KANK1: variants seen among roughly 807,000 people sequenced by gnomAD.
KANK1 encodes the protein KN motif and ankyrin repeat domains 1, also known as KN motif and ankyrin repeat domain-containing protein 1.
KANK1 carries 109 observed loss-of-function variants against 106.2 expected under a neutral mutation model. That is an observed-to-expected ratio of 1.03 (90% CI 0.88 to 1.20). KANK1 has a LOEUF of 1.20. Among genes scored for constraint, KANK1 ranks in the 50% most tolerant of loss-of-function variants. The probability of loss-of-function intolerance (pLI) is 0.00; values close to 1 mark genes in which losing one functional copy is unlikely to be tolerated. For synonymous variants in KANK1, 873 were observed against 652.2 expected (o/e 1.34, Z -5.16); for missense variants, 2,399 against 1,710.7 (o/e 1.40, Z -7.10).
rs779680403 is a variant in KANK1 at position 712,520 on chromosome 9, C to G, written c.1754C>G (p.Ser585Cys). Reference protein sequence around the residue: ...VEMHDRCAGRSVEMCDKSVSV... With the variant: ...VEMHDRCAGRCVEMCDKSVSV... ...ATGCATGACCGATGTGCTGGGAGGT[C>G]TGTGGAAATGTGTGACAAGAGTGTG... Residue 585 changes from serine to cysteine, a missense_variant, in exon 3 of 12, where the codon TCT (serine) becomes TGT (cysteine). Transcript: ENST00000382297. The G allele has an allele frequency of 2.5e-6, 4 of 1,613,980 alleles. No homozygotes were observed. The highest frequency in any genetic ancestry group is 2.7e-5 in the African/African-American group (2 of 74,892).
intron 1 of KANK1, among the ~76,000 whole-genome samples, chr9:655,868 G>A (rs1842032113): frequency 6.6e-6 from 1 of 152,144 alleles, no homozygotes; most frequent in South Asian, 2.1e-4. Flanking sequence ...TCAAATGTTT[G>A]TAAATTAATT....
At chr9:741,382 G>T (rs6477183) in intron 9 of KANK1, among the ~76,000 whole-genome samples, 99,794 of 149,614 alleles carry the variant, frequency 0.67, 34,841 homozygotes, top group African/African-American at 0.89. Flanking sequence ...TGCAGTGGCG[G>T]GATCTTGGCT....
intron 1 of KANK1, among the ~76,000 whole-genome samples, chr9:551,101 A>T (rs141855852): frequency 1.3e-5 from 2 of 152,094 alleles, no homozygotes; most frequent in African/African-American, 4.8e-5. Context: ...TGGGGTGTCA[A>T]TTCATGGTTA....
intron 1 of KANK1, among the ~76,000 whole-genome samples, chr9:550,876 C>A (rs184655685): frequency 8.7e-4 from 132 of 152,226 alleles, no homozygotes; most frequent in Non-Finnish European, 1.5e-3. Flanking sequence ...TTTTCCCAGA[C>A]TCCAGAATAA....
intron 1 of KANK1, among the ~76,000 whole-genome samples, chr9:612,813 G>C (rs1370564569): frequency 1.3e-5 from 2 of 152,120 alleles, no homozygotes; most frequent in African/African-American, 4.8e-5. Flanking sequence ...CCCCAGTTTA[G>C]ACCAGCAGCA....
chr9:653,833 G>C (rs540063511), intron 1 of KANK1, among the ~76,000 whole-genome samples: 21 of 152,330 alleles, frequency 1.4e-4, no homozygotes, highest in African/African-American at 5.1e-4. Flanking sequence ...TGGATACTTA[G>C]TGTTGTCTTT....
At chr9:725,354 A>G (rs1830375393) in intron 3 of KANK1, among the ~76,000 whole-genome samples, 1 of 151,972 alleles carries the variant, frequency 6.6e-6, no homozygotes, top group South Asian at 2.1e-4. Flanking sequence ...TTAGCCAGGC[A>G]TGGTTGTGCA....
intron 3 of KANK1, among the ~76,000 whole-genome samples, chr9:486,100 ACT>A (rs2058289946): frequency 6.6e-6 from 1 of 152,050 alleles, no homozygotes; most frequent in South Asian, 2.1e-4. Flanking sequence ...TTTTGACCAG[ACT>A]CTAAAGATTA....
chr9:488,592 C>T (rs949009897), intron 3 of KANK1, among the ~76,000 whole-genome samples: 2 of 152,188 alleles, frequency 1.3e-5, no homozygotes, highest in African/African-American at 4.8e-5. Context: ...TGATAACATC[C>T]TTCCTGTCTC....
At chr9:493,906 G>A (rs1329787660) in intron 3 of KANK1, among the ~76,000 whole-genome samples, 1 of 148,930 alleles carries the variant, frequency 6.7e-6, no homozygotes, top group Non-Finnish European at 1.5e-5. Flanking sequence ...CTTTTGAGAT[G>A]GAGTCTTGCT....
intron 2 of KANK1, among the ~76,000 whole-genome samples, chr9:709,958 A>AG (rs1825470878): frequency 6.6e-6 from 1 of 152,192 alleles, no homozygotes; most frequent in Non-Finnish European, 1.5e-5. Context: ...ATATTTAGTA[A>AG]GGACTTACTA....
intron 3 of KANK1, among the ~76,000 whole-genome samples, chr9:492,405 T>A (rs1227779818): frequency 1.3e-5 from 2 of 152,190 alleles, no homozygotes; most frequent in Non-Finnish European, 2.9e-5. Context: ...ATATGCTGAT[T>A]TACTTACTAG....
chr9:667,420 G>A (rs1219592517), intron 1 of KANK1, among the ~76,000 whole-genome samples: 1 of 151,482 alleles, frequency 6.6e-6, no homozygotes, highest in Non-Finnish European at 1.5e-5. Context: ...TTTTTGCTCT[G>A]ATCTTTATTA....
At chr9:642,285 A>G (rs1838646729) in intron 1 of KANK1, among the ~76,000 whole-genome samples, 1 of 149,090 alleles carries the variant, frequency 6.7e-6, no homozygotes, top group South Asian at 2.1e-4. Context: ...TGGTTAAGTT[A>G]CCCCATTTGT....
intron 3 of KANK1, among the ~76,000 whole-genome samples, chr9:498,505 T>G (rs974781928): frequency 2.0e-5 from 3 of 152,190 alleles, no homozygotes; most frequent in Non-Finnish European, 1.5e-5. Context: ...ACTGACAGAA[T>G]GGAGGAAAAT....
intron 1 of KANK1, among the ~76,000 whole-genome samples, chr9:661,589 A>G (rs71488141): frequency 0.89 from 135,308 of 151,532 alleles, 60,553 homozygotes; most frequent in East Asian, 0.97. Flanking sequence ...AAACATACAT[A>G]TGCATGTGTC....
intron 1 of KANK1, among the ~76,000 whole-genome samples, chr9:657,596 A>C (rs1364594532): frequency 6.6e-6 from 1 of 151,902 alleles, no homozygotes; most frequent in Admixed American, 6.6e-5. Context: ...CATCCTAATG[A>C]GTATGAGGTG....
intron 1 of KANK1, among the ~76,000 whole-genome samples, chr9:507,403 C>T (rs1242947685): frequency 6.6e-6 from 1 of 152,014 alleles, no homozygotes; most frequent in African/African-American, 2.4e-5. Context: ...CACCCCCAGC[C>T]CTGCCGACGG....
At chr9:730,827 C>T (rs755664956) in intron 4 of KANK1, 6 of 193,384 alleles carry the variant, frequency 3.1e-5, no homozygotes, top group Non-Finnish European at 6.4e-5. Context: ...GAATAATAAT[C>T]CCTGTTTAGT....
Sources: gnomAD v4.1 joint callset for allele counts (sites outside exome capture counted in the v4.1 genomes callset) on GRCh38, gnomAD v4.1.1 for gene constraint, MANE v1.5 for transcripts, NCBI Gene and HGNC (gene_info 2026-07-23, HGNC 2026-07-21) for gene names.